Variants in MECOM observed in about 807,000 individuals in gnomAD.
MECOM encodes histone-lysine N-methyltransferase MECOM.
A neutral mutation model predicts 116.3 loss-of-function variants in MECOM; 13 were observed. The observed-to-expected ratio is 0.11, with a 90% CI of 0.07 to 0.18. The LOEUF (loss-of-function observed/expected upper bound fraction) is 0.18, where lower values mean the gene tolerates loss of function less well. MECOM is among the 10% of genes least tolerant of loss of function. MECOM has a pLI of 1.00. For missense variants in MECOM, 1,299 were observed against 1,509.0 expected (o/e 0.86, Z 2.31); for synonymous variants, 528 against 535.2 (o/e 0.99, Z 0.19).
At chr3:169,134,107 C>G in intron 3 of MECOM, 1 of 355,000 alleles carries the variant, frequency 2.8e-6, no homozygotes, top group Non-Finnish European at 5.4e-6. Flanking sequence ...CACGTCAGGT[C>G]ATTTTAAGAG....
intron 15 of MECOM, among the ~76,000 whole-genome samples, chr3:169,089,604 A>G (rs1435320399): frequency 6.6e-6 from 1 of 152,128 alleles, no homozygotes; most frequent in South Asian, 2.1e-4. Context: ...TATAGATCAC[A>G]TATATATCTA....
At chr3:169,614,206 C>T (rs1769690718) in intron 1 of MECOM, among the ~76,000 whole-genome samples, 1 of 150,602 alleles carries the variant, frequency 6.6e-6, no homozygotes, top group Non-Finnish European at 1.5e-5. Context: ...GCATAAGACT[C>T]AGAATGACTC....
intron 2 of MECOM, among the ~76,000 whole-genome samples, chr3:169,376,439 A>T (rs1560193631): frequency 6.6e-6 from 1 of 152,102 alleles, no homozygotes; most frequent in Non-Finnish European, 1.5e-5. Context: ...TCCATCGTCT[A>T]AGCCCAAAAA....
chr3:169,130,415 T>C (rs1475010940), intron 4 of MECOM, among the ~76,000 whole-genome samples: 1 of 152,112 alleles, frequency 6.6e-6, no homozygotes, highest in Non-Finnish European at 1.5e-5. Context: ...GCTATTTGCA[T>C]GTCAGAGTTG....
intron 1 of MECOM, among the ~76,000 whole-genome samples, chr3:169,631,227 T>C (rs1772041193): frequency 6.6e-6 from 1 of 152,254 alleles, no homozygotes; most frequent in Non-Finnish European, 1.5e-5. Context: ...TGCAAATATC[T>C]GTGCATCACC....
intron 2 of MECOM, among the ~76,000 whole-genome samples, chr3:169,180,769 T>A (rs1382925050): frequency 8.8e-6 from 1 of 114,162 alleles, no homozygotes; most frequent in African/African-American, 3.2e-5. Flanking sequence ...GTATTCTCTT[T>A]ATGTATGTGT....
At chr3:169,319,749 C>T (rs1247368318) in intron 2 of MECOM, among the ~76,000 whole-genome samples, 1 of 152,056 alleles carries the variant, frequency 6.6e-6, no homozygotes, top group African/African-American at 2.4e-5. Flanking sequence ...TCTCTTCTGC[C>T]CTATGTGTAA....
intron 1 of MECOM, chr3:169,623,986 G>A (rs1375739882): frequency 6.6e-6 from 1 of 151,944 alleles, no homozygotes; most frequent in African/African-American, 2.4e-5. Context: ...TATTAAACAC[G>A]ACTACTTAAT....
chr3:169,159,259 T>C (rs1742465775), intron 2 of MECOM, among the ~76,000 whole-genome samples: 1 of 152,184 alleles, frequency 6.6e-6, no homozygotes, highest in Non-Finnish European at 1.5e-5. Context: ...AGCCTCTCTT[T>C]TAGTATCTCT....
chr3:169,416,750 A>G (rs1403265817), intron 1 of MECOM, among the ~76,000 whole-genome samples: 1 of 152,202 alleles, frequency 6.6e-6, no homozygotes, highest in Non-Finnish European at 1.5e-5. Context: ...AACACTGTAA[A>G]CACCTCTATG....
rs1269399775 is a variant in MECOM, at chr3:169,090,116, A to T, written c.3285T>A (p.Asp1095Glu). The change falls in exon 15 of 17, where the codon GAT (aspartate) becomes GAA (glutamate). Residue 1095 changes from aspartate (D) to glutamate (E), a missense_variant. Around this residue, in one of 6 missense-constraint regions of MECOM, gnomAD observed 273 missense variants for 289.3 expected, o/e 0.94. Transcript: ENST00000651503. ...VLLDEEDEDN[D>E]ITGKTGKEPV... is the part of the protein sequence containing the mutation. ...GTTCCTTTCCTGTTTTTCCAGTAATATCATTGTCTTCATCCTCCTCATCTA... is the reference window on the plus strand; with the variant it reads ...GTTCCTTTCCTGTTTTTCCAGTAATTTCATTGTCTTCATCCTCCTCATCTA... 6.2e-7 allele frequency: 1 copy of T among 1,613,578 alleles called. No individual in the cohort carries two copies. The highest frequency in any genetic ancestry group is 1.3e-5 in the African/African-American group (1 of 74,980).
At chr3:169,457,384 A>G (rs1035393653) in intron 1 of MECOM, among the ~76,000 whole-genome samples, 3 of 152,220 alleles carry the variant, frequency 2.0e-5, no homozygotes, top group Admixed American at 6.5e-5. Flanking sequence ...AGGATTAAGC[A>G]TTAGCTCCAG....
At chr3:169,334,994 A>C (rs1259872545) in intron 2 of MECOM, among the ~76,000 whole-genome samples, 1 of 152,198 alleles carries the variant, frequency 6.6e-6, no homozygotes, top group Non-Finnish European at 1.5e-5. Context: ...TTACAATTCT[A>C]AAAGGGCTCC....
chr3:169,596,499 G>A (rs767216516), intron 1 of MECOM, among the ~76,000 whole-genome samples: 1 of 152,100 alleles, frequency 6.6e-6, no homozygotes, highest in Non-Finnish European at 1.5e-5. Flanking sequence ...TTCATAATGG[G>A]TAAAGTGTCC....
intron 1 of MECOM, among the ~76,000 whole-genome samples, chr3:169,518,868 C>T (rs1333239401): frequency 6.6e-6 from 1 of 152,162 alleles, no homozygotes; most frequent in African/African-American, 2.4e-5. Context: ...CAAGCTCTCT[C>T]TCTCTTTGTC....
chr3:169,473,993 C>T (rs992152096), intron 1 of MECOM, among the ~76,000 whole-genome samples: 10 of 152,116 alleles, frequency 6.6e-5, no homozygotes, highest in African/African-American at 1.2e-4. Context: ...CCTATGAGCA[C>T]GACTCAACAG....
chr3:169,427,428 C>A (rs1740909786), intron 1 of MECOM, among the ~76,000 whole-genome samples: 2 of 152,146 alleles, frequency 1.3e-5, no homozygotes, highest in South Asian at 2.1e-4. Context: ...CAAATTAATT[C>A]TTGGTCTAAA....
intron 1 of MECOM, among the ~76,000 whole-genome samples, chr3:169,417,359 G>A (rs1738840374): frequency 6.6e-6 from 1 of 151,746 alleles, no homozygotes; most frequent in African/African-American, 2.4e-5. Context: ...ATGAAAAAAT[G>A]CTCACCATCA....
At chr3:169,367,845 G>C (rs1385231172) in intron 2 of MECOM, among the ~76,000 whole-genome samples, 4 of 151,960 alleles carry the variant, frequency 2.6e-5, no homozygotes, top group African/African-American at 9.7e-5. Flanking sequence ...CTGGTTCCTA[G>C]GCATGTATAT....
Sources: allele counts gnomAD v4.1 joint callset (sites outside exome capture counted in the v4.1 genomes callset), GRCh38; gene constraint gnomAD v4.1.1; regional missense constraint gnomAD v4.1.1; transcripts MANE v1.5; gene names NCBI Gene and HGNC (gene_info 2026-07-23, HGNC 2026-07-21).